The following CDHR5 variants were observed in gnomAD, a reference collection of about 807,000 sequenced individuals.
CDHR5 encodes cadherin-related family member 5.
A neutral mutation model predicts 69.5 loss-of-function variants in CDHR5; 82 were observed. The ratio of observed to expected loss-of-function variants is 1.18; its 90% CI spans 0.99 to 1.42. The LOEUF (loss-of-function observed/expected upper bound fraction) is 1.42. Ranked by LOEUF, CDHR5 falls within the 40% of genes most tolerant of loss-of-function variation. The pLI is 0.00. For missense variants in CDHR5, 1,293 were observed against 1,168.9 expected, an observed-to-expected ratio of 1.11 and a Z score of -1.55; for synonymous variants, 601 against 510.2, an observed-to-expected ratio of 1.18 and a Z score of -2.40.
rs1179270023 is a variant in CDHR5 at position 617,205 on chromosome 11, G to A, written c.*146C>T. 5 of 644,252 alleles carry A rather than the reference G, an allele frequency of 7.8e-6. No homozygotes were observed. Among genetic ancestry groups the A allele is most frequent in the Admixed American group, 2.9e-5 (1 of 34,622 alleles). 39.9% of individuals were successfully genotyped at this position (644,252 alleles called of 1,614,324 possible). On this transcript the variant is annotated 3_prime_UTR_variant, in exon 15 of 15. Coordinates refer to ENST00000397542, the MANE Select transcript of CDHR5 (RefSeq NM_021924.5). ...AGCGCTAATGACGACAGGGGACTGA[G>A]TGAATGGGACCCCCATGGACCCGCG...
In CDHR5 at chr11:617,424, C is replaced by T; in HGVS notation, c.2465G>A (p.Gly822Asp). ...CCTCCCCGCGCCCTCGCCCTCATCG[C>T]CGCTGCCGGAGTCACTGGCGCCATC... ...DVDGASDSGS[G>D]DEGEGAGRGG... is the part of the protein sequence containing the mutation. Residue 822 changes from glycine (G) to aspartate (D), a missense_variant, in exon 15 of 15, where the codon GGC becomes GAC. By Grantham distance (94) the Gly-to-Asp change is moderately conservative. Transcript: ENST00000397542. 1 of 1,611,082 alleles carries T rather than the reference C, an allele frequency of 6.2e-7. No homozygotes were observed. Among genetic ancestry groups the T allele is most frequent in the Non-Finnish European group, 8.5e-7 (1 of 1,179,182 alleles).
rs746119421 is a variant in CDHR5, at chr11:620,163, T to C, written c.882A>G (p.Gly294=). ...NQPIIYSIFR[G]NVNGTFIIHP... ...GGATGATGAATGTACCATTCACGTT[T>C]CCTGGGAGGATGATGGAAGTGCTCA... The change falls in exon 9 of 15, where the codon GGA becomes GGG. Residue 294 remains glycine (G), a splice_region_variant and synonymous_variant. Transcript: ENST00000397542. 5.6e-6 allele frequency: 9 copies of C among 1,612,566 alleles called. No individual in the cohort carries two copies. In the African/African-American group the frequency reaches 1.1e-4, roughly 19 times the overall value.
chr11:617,741 C>G lies in CDHR5; in HGVS notation c.2148G>C (p.Gln716His). Reference sequence around the variant, plus strand: ...TGGCCTTGTGGTCAGGGAGGAACGCCTGGTTGTCAAAGCCTTGGGGCTGGG... The same window carrying G: ...TGGCCTTGTGGTCAGGGAGGAACGCGTGGTTGTCAAAGCCTTGGGGCTGGG... Reference protein sequence around the residue: ...PEPQPQGFDNQAFLPDHKANW... With the variant: ...PEPQPQGFDNHAFLPDHKANW... The change falls in exon 15 of 15, where the codon CAG becomes CAC. Residue 716 changes from glutamine to histidine, a missense_variant. Transcript: ENST00000397542. 1 of 1,458,562 alleles carries G rather than the reference C, an allele frequency of 6.9e-7. No homozygotes were observed. Among genetic ancestry groups the G allele is most frequent in the Non-Finnish European group, 9.0e-7 (1 of 1,113,200 alleles). 90.4% of individuals were successfully genotyped at this position (1,458,562 alleles called of 1,614,324 possible). A position where few individuals can be genotyped will look rare whatever the true frequency, so the allele number is the denominator to read the frequency against.
In CDHR5 at chr11:618,089, C is replaced by T; in HGVS notation, c.1983G>A (p.Lys661=). 1 of 1,611,200 alleles carries T rather than the reference C, an allele frequency of 6.2e-7. No homozygotes were observed. Among genetic ancestry groups the T allele is most frequent in the Non-Finnish European group, 8.5e-7 (1 of 1,179,028 alleles). The change falls in exon 14 of 15, where the codon AAG becomes AAA. Residue 661 remains lysine, a synonymous_variant. Coordinates refer to ENST00000397542, the MANE Select transcript of CDHR5 (RefSeq NM_021924.5). ...CCGCCATATCCACCACCGAGAAGCG[C>T]TTGTCCTCCGAGGGGCCGCCACCTG... ...PSSGGGPSED[K]RFSVVDMAAL...
rs1379932215 is a variant in CDHR5 at position 623,675 on chromosome 11, G to T, written c.312+538C>A. Among the ~76,000 whole-genome samples the T allele has an allele frequency of 6.6e-5, 10 of 152,110 alleles. 1 individual carries two copies. Among genetic ancestry groups the T allele is most frequent in the Non-Finnish European group, 8.8e-5 (6 of 68,016 alleles). ...AGCCGTGGAGGGCTGGGGTGGGCTG[G>T]GCAGCCTTGGTTTACAACATCCACA... On this transcript the variant is annotated intron_variant, in intron 3 of 14. Coordinates refer to ENST00000397542, the MANE Select transcript of CDHR5 (RefSeq NM_021924.5).
In CDHR5 at chr11:616,711, C is replaced by G. The variant is rs1309384795; in HGVS notation, c.*640G>C. ...TTTGGGAGCAGCGAGGGGAATGTGT[C>G]TCTCACCCCTAGGCCTCCTGGTCTG... On this transcript the variant is annotated 3_prime_UTR_variant, in exon 15 of 15. Coordinates refer to ENST00000397542, the MANE Select transcript of CDHR5 (RefSeq NM_021924.5). 1 of 154,554 alleles carries G rather than the reference C, an allele frequency of 6.5e-6. No homozygotes were observed. Among genetic ancestry groups the G allele is most frequent in the African/African-American group, 2.4e-5 (1 of 41,514 alleles). 9.6% of individuals were successfully genotyped at this position (154,554 alleles called of 1,614,324 possible).
Position 618,698 on chromosome 11 carries a change from T to C in CDHR5, c.1861A>G (p.Thr621Ala). The C allele has an allele frequency of 6.3e-7, 1 of 1,587,018 alleles. No homozygotes were observed. Among genetic ancestry groups the C allele is most frequent in the Non-Finnish European group, 8.6e-7 (1 of 1,166,546 alleles). ...CCGGGTGTGGTTGGTTGGTGGGAGG[T>C]GCTGGTTCCCATACCGGGGGGCATC... is the stretch of plus-strand genomic sequence containing the variant. ...QPMPPGMGTS[T>A]SHQPTTPGGG... is the part of the protein sequence containing the mutation. The change falls in exon 13 of 15, where the codon ACC becomes GCC. Residue 621 changes from threonine to alanine, a missense_variant. Thr to Ala is a moderately conservative substitution (Grantham distance 58, BLOSUM62 0). Transcript: ENST00000397542.
At chr11:618,461 G>A in intron 13 of CDHR5, 138 bp downstream of exon 13, 1 of 1,054,394 alleles carries the variant, frequency 9.5e-7, no homozygotes. Context: ...GCCTGTCTGT[G>A]TCTGTCAGTC....
rs113267764 is a variant in CDHR5, at chr11:622,423, GTTT to G, written c.313-522_313-520del. On this transcript the variant is annotated intron_variant, in intron 3 of 14. Transcript: ENST00000397542. ...AAAGACAATCCATTTTCTTTTCTCT[GTTT>G]TTTTTTTTTTTTGGTTTTTGTTTTT... 2.3e-3 allele frequency among the ~76,000 whole-genome samples: 292 copies of G among 127,944 alleles called. 3 individuals carry two copies. The highest frequency in any genetic ancestry group is 7.9e-3 in the African/African-American group (275 of 34,996). 83.9% of individuals were successfully genotyped at this position (127,944 alleles called of 152,430 possible).
Position 617,186 on chromosome 11 carries a change from A to G in CDHR5, c.*165T>C. The G allele has an allele frequency of 1.6e-6, 1 of 616,536 alleles. No individual in the cohort carries two copies. The highest frequency in any genetic ancestry group is 2.9e-6 in the Non-Finnish European group (1 of 342,312). 38.2% of individuals were successfully genotyped at this position (616,536 alleles called of 1,614,324 possible). ...ATCTGCACACCTGGGCTCAAGCGCTAATGACGACAGGGGACTGAGTGAATG... is the reference window on the plus strand; with the variant it reads ...ATCTGCACACCTGGGCTCAAGCGCTGATGACGACAGGGGACTGAGTGAATG... On this transcript the variant is annotated 3_prime_UTR_variant, in exon 15 of 15. Transcript: ENST00000397542.
chr11:619,471 C>T lies in CDHR5; in HGVS notation c.1293+3G>A. The T allele has an allele frequency of 6.2e-7, 1 of 1,611,332 alleles. No individual in the cohort carries two copies. The highest frequency in any genetic ancestry group is 8.5e-7 in the Non-Finnish European group (1 of 1,177,618). ...GGAGATGCCCGCCTGCCCTGCCCCG[C>T]ACCTCTGCGTAGAAGGCTCCCGCCT... On this transcript the variant is annotated splice_donor_region_variant and intron_variant, in intron 11 of 14. Coordinates refer to ENST00000397542, the MANE Select transcript of CDHR5 (RefSeq NM_021924.5).
At chr11:620,202 G>A in intron 8 of CDHR5, 38 bp from the exon 9 acceptor site, 1 of 1,596,666 alleles carries the variant, frequency 6.3e-7, no homozygotes, top group Non-Finnish European at 8.6e-7. Context: ...CCGGCCCCCT[G>A]AGGCCCAGGG....
Position 624,467 on chromosome 11 carries a change from G to A in CDHR5, c.261+90C>T, listed in dbSNP as rs1055159507. 2.5e-5 allele frequency: 33 copies of A among 1,340,372 alleles called. No homozygotes were observed. In the East Asian group the frequency reaches 7.6e-4, roughly 31 times the overall value. The allele number at this position is 1,340,372 out of a possible 1,614,324, so 83.0% of individuals were successfully genotyped here. Reference sequence around the variant, plus strand: ...GTGTCAGTGGATGCCCGCAGGCATAGAACTCCTAGGCCCCCAAGGGAGGTG... The same window carrying A: ...GTGTCAGTGGATGCCCGCAGGCATAAAACTCCTAGGCCCCCAAGGGAGGTG... On this transcript the variant is annotated intron_variant, in intron 2 of 14. Transcript: ENST00000397542. This position sits in a 1 kb window ranked among gnomAD's most constrained non-coding sequence, Gnocchi z 5.3.
chr11:619,434 C>T (rs376551332), intron 11 of CDHR5, 40 bp downstream of exon 11: 12 of 1,605,858 alleles, frequency 7.5e-6, no homozygotes, highest in African/African-American at 6.7e-5. Context: ...CATCTTTAAG[C>T]CCCACACCCT....
At position 618,580 on chromosome 11, in the gene CDHR5, G is replaced by A. The variant is rs761880421; in HGVS notation, c.1960+19C>T. 8.1e-6 allele frequency: 13 copies of A among 1,613,088 alleles called. No homozygotes were observed. The East Asian group carries it at 2.9e-4, about 36-fold the overall frequency. ...CAATGACCGGAGTCAGGGAGGGAAG[G>A]CAACAGAGTGGGTGCTACCTGAAGA... On this transcript the variant is annotated intron_variant, in intron 13 of 14. Coordinates refer to ENST00000397542, the MANE Select transcript of CDHR5 (RefSeq NM_021924.5).
In CDHR5 at chr11:621,646, G is replaced by A; in HGVS notation, c.423C>T (p.Ser141=). 6.2e-7 allele frequency: 1 copy of A among 1,613,386 alleles called. No homozygotes were observed. The highest frequency in any genetic ancestry group is 8.5e-7 in the Non-Finnish European group (1 of 1,179,436). ...GCAGTTGCGTCTCGGGGATGACGGTGGAGTTCACTTTCGTGTCCTGGGGAG... is the reference window on the plus strand; with the variant it reads ...GCAGTTGCGTCTCGGGGATGACGGTAGAGTTCACTTTCGTGTCCTGGGGAG... ...IRVEEDTKVN[S]TVIPETQLQA... The change falls in exon 5 of 15, where the codon TCC becomes TCT. Residue 141 remains serine (S), a synonymous_variant. Transcript: ENST00000397542. The surrounding 1 kb of genome is among the most constrained non-coding windows in gnomAD (Gnocchi z 4.4).
chr11:623,585 C>T (rs976533727), intron 3 of CDHR5, among the ~76,000 whole-genome samples: 3 of 151,574 alleles, frequency 2.0e-5, no homozygotes, highest in African/African-American at 7.3e-5. Context: ...GCGTGCCTGG[C>T]GGGAGCCCTG....
rs199715724 is a variant in CDHR5 at position 620,127 on chromosome 11, C to G, written c.918G>C (p.Ser306=). The G allele has an allele frequency of 1.2e-5, 19 of 1,613,244 alleles. No homozygotes were observed. Among genetic ancestry groups the G allele is most frequent in the East Asian group, 2.2e-5 (1 of 44,842 alleles). ...VNGTFIIHPD[S]GNLTVARSVP... ...CACTCCTGGCCACGGTGAGGTTGCC[C>G]GAGTCTGGGTGGATGATGAATGTAC... is the stretch of plus-strand genomic sequence containing the variant. The change falls in exon 9 of 15, where the codon TCG becomes TCC. Residue 306 remains serine, a synonymous_variant. Coordinates refer to ENST00000397542, the MANE Select transcript of CDHR5 (RefSeq NM_021924.5).
chr11:617,299 G>C lies in CDHR5; in HGVS notation c.*52C>G. 1 of 1,375,368 alleles carries C rather than the reference G, an allele frequency of 7.3e-7. No individual in the cohort carries two copies. The highest frequency in any genetic ancestry group is 1.0e-6 in the Non-Finnish European group (1 of 990,644). The allele number at this position is 1,375,368 out of a possible 1,614,324, so 85.2% of individuals were successfully genotyped here. ...ATTCTGCCTCGGGTCGGAGGCTGGG[G>C]GAGCGAGACCTCCAGTGCCCGTGCG... On this transcript the variant is annotated 3_prime_UTR_variant, in exon 15 of 15. Transcript: ENST00000397542.
Sources: gnomAD v4.1 joint callset for allele counts (sites outside exome capture counted in the v4.1 genomes callset) on GRCh38, gnomAD v4.1.1 for gene constraint, Gnocchi (gnomAD v3.1) non-coding constraint, MANE v1.5 for transcripts, NCBI Gene and HGNC (gene_info 2026-07-23, HGNC 2026-07-21) for gene names.